CDCA2: variants seen among roughly 807,000 people sequenced by gnomAD.
CDCA2 encodes the protein cell division cycle-associated protein 2.
A neutral mutation model predicts 67.0 loss-of-function variants in CDCA2; 44 were observed. That is an observed-to-expected ratio of 0.66 (90% CI 0.52 to 0.84). The LOEUF is 0.84. CDCA2 is among the 40% of genes least tolerant of loss of function. The probability of loss-of-function intolerance (pLI) is 0.00; values close to 1 mark genes in which losing one functional copy is unlikely to be tolerated. For synonymous variants in CDCA2, 447 were observed against 418.7 expected (o/e 1.07, Z -0.82); for missense variants, 1,253 against 1,203.2 (o/e 1.04, Z -0.61).
At position 25,483,989 on chromosome 8, in the gene CDCA2, C is replaced by T. The variant is rs769164843; in HGVS notation, c.1144C>T (p.Pro382Ser). The change falls in exon 10 of 15, where the codon CCT becomes TCT. Residue 382 changes from proline (P) to serine (S), a missense_variant. By Grantham distance (74) the Pro-to-Ser change is moderately conservative. Coordinates refer to ENST00000330560, the MANE Select transcript of CDCA2 (RefSeq NM_152562.4). ...EAEDEENFEAPAFLNMRKRKR... is the reference protein window; with the variant it reads ...EAEDEENFEASAFLNMRKRKR... ...AGAAGATGAAGAAAATTTTGAAGCA[C>T]CTGCCTTTCTAAATATGAGGAAGAG... 2.1e-5 allele frequency: 34 copies of T among 1,613,742 alleles called. No homozygotes were observed. The highest frequency in any genetic ancestry group is 2.8e-5 in the Non-Finnish European group (33 of 1,179,844).
intron 14 of CDCA2, among the ~76,000 whole-genome samples, chr8:25,504,022 T>TA (rs577458745): frequency 3.5e-4 from 51 of 146,998 alleles, no homozygotes; most frequent in Middle Eastern, 6.9e-3. Context: ...CCCCATCTCT[T>TA]AAAAAAAAAA....
chr8:25,485,881 A>G (rs770872183), intron 11 of CDCA2, 44 bp downstream of exon 11: 1 of 1,081,576 alleles, frequency 9.2e-7, no homozygotes, highest in South Asian at 1.4e-5. Flanking sequence ...CATTTTTTAT[A>G]TGTGTATATG....
rs367833985 is a variant in CDCA2, at chr8:25,483,461, A to G, written c.1095A>G (p.Pro365=). The change falls in exon 9 of 15, where the codon CCA becomes CCG. Residue 365 remains proline, a synonymous_variant. Transcript: ENST00000330560. ...ATCCGAGCTTAATCTCAAATCTCCCAAACTGTTGCAAAGAGAAAGAAGCAG... is the reference window on the plus strand; with the variant it reads ...ATCCGAGCTTAATCTCAAATCTCCCGAACTGTTGCAAAGAGAAAGAAGCAG... ...GTHPSLISNL[P]NCCKEKEAED... 2.8e-5 allele frequency: 45 copies of G among 1,611,578 alleles called. No individual in the cohort carries two copies. Among genetic ancestry groups the G allele is most frequent in the Admixed American group, 5.0e-5 (3 of 59,546 alleles).
At chr8:25,486,120 A>G (rs2271104) in intron 11 of CDCA2, among the ~76,000 whole-genome samples, 84,870 of 152,114 alleles carry the variant, frequency 0.56, 24,935 homozygotes, top group Middle Eastern at 0.66. Context: ...TTAAGTATCA[A>G]TGACAAACTG....
chr8:25,461,732 A>C (rs1802696703), intron 3 of CDCA2, among the ~76,000 whole-genome samples: 1 of 152,262 alleles, frequency 6.6e-6, no homozygotes. Flanking sequence ...AAAAATACTG[A>C]GTCAAAAGCA....
chr8:25,491,672 A>G (rs749812880), intron 13 of CDCA2, among the ~76,000 whole-genome samples: 1 of 152,166 alleles, frequency 6.6e-6, no homozygotes, highest in African/African-American at 2.4e-5. Context: ...GCTGGAGTGT[A>G]GTGCTGTGGT....
chr8:25,479,860 CA>C, intron 7 of CDCA2, 52 bp from the exon 8 acceptor site: 1 of 1,556,338 alleles, frequency 6.4e-7, no homozygotes, highest in Non-Finnish European at 8.9e-7. Flanking sequence ...TGGTCTAGAA[CA>C]AACAGATTTA....
intron 3 of CDCA2, among the ~76,000 whole-genome samples, chr8:25,461,541 C>G (rs1451163995): frequency 2.0e-5 from 3 of 152,080 alleles, no homozygotes; most frequent in Non-Finnish European, 4.4e-5. Context: ...ACTCTTAGAC[C>G]TTTAAAAGGC....
chr8:25,491,902 A>G (rs1358379764), intron 13 of CDCA2, among the ~76,000 whole-genome samples: 11 of 152,022 alleles, frequency 7.2e-5, no homozygotes, highest in Non-Finnish European at 1.2e-4. Context: ...GGTTCAAGCA[A>G]TTCTCCTGCC....
At chr8:25,468,906 G>A (rs1181064246) in intron 6 of CDCA2, among the ~76,000 whole-genome samples, 2 of 152,090 alleles carry the variant, frequency 1.3e-5, no homozygotes, top group African/African-American at 4.8e-5. Flanking sequence ...TGGAAATCAG[G>A]GTGCCATTCA....
At chr8:25,499,517 T>C (rs1434646399) in intron 13 of CDCA2, among the ~76,000 whole-genome samples, 1 of 151,910 alleles carries the variant, frequency 6.6e-6, no homozygotes, top group East Asian at 1.9e-4. Flanking sequence ...TTGCCCAGGC[T>C]TGTCTCGAAT....
At chr8:25,488,754 G>T in intron 13 of CDCA2, 65 bp downstream of exon 13, 5 of 1,355,034 alleles carry the variant, frequency 3.7e-6, no homozygotes, top group Non-Finnish European at 2.9e-6. Flanking sequence ...GTATAATTAG[G>T]AAAATATAGA....
At position 25,507,483 on chromosome 8, in the gene CDCA2, A is replaced by G. The variant is rs961336018; in HGVS notation, c.2817A>G (p.Lys939=). The G allele has an allele frequency of 6.2e-7, 1 of 1,613,824 alleles. No homozygotes were observed. The highest frequency in any genetic ancestry group is 1.3e-5 in the African/African-American group (1 of 74,882). ...GATTTGAAAGTATGTCTCCCATAAA[A>G]GAAACTGTGTCCTCCAGACAAAAAC... ...SSGFESMSPI[K]ETVSSRQKPQ... is the part of the protein sequence containing the mutation. Residue 939 remains lysine (K), a synonymous_variant, in exon 15 of 15, where the codon AAA becomes AAG. Coordinates refer to ENST00000330560, the MANE Select transcript of CDCA2 (RefSeq NM_152562.4).
intron 8 of CDCA2, among the ~76,000 whole-genome samples, chr8:25,481,617 G>C (rs961149443): frequency 6.6e-6 from 1 of 152,078 alleles, no homozygotes; most frequent in Non-Finnish European, 1.5e-5. Flanking sequence ...GTGAACCCAG[G>C]GGGCAGAGCT....
At chr8:25,469,051 C>T (rs1317401193) in intron 6 of CDCA2, among the ~76,000 whole-genome samples, 1 of 152,354 alleles carries the variant, frequency 6.6e-6, no homozygotes, top group East Asian at 1.9e-4. Context: ...GACCTGCGCG[C>T]ACGCGTGAAT....
intron 11 of CDCA2, among the ~76,000 whole-genome samples, chr8:25,486,273 C>T (rs1435444415): frequency 6.6e-6 from 1 of 152,174 alleles, no homozygotes; most frequent in East Asian, 1.9e-4. Context: ...GACAAAGCAA[C>T]AGATTGCTCC....
intron 4 of CDCA2, among the ~76,000 whole-genome samples, chr8:25,465,697 T>C (rs917869321): frequency 3.3e-5 from 5 of 152,100 alleles, no homozygotes; most frequent in African/African-American, 1.2e-4. Context: ...AAGTGTAGTA[T>C]CTGAGCATGT....
intron 13 of CDCA2, among the ~76,000 whole-genome samples, chr8:25,502,237 G>A (rs1412383388): frequency 6.6e-6 from 1 of 152,052 alleles, no homozygotes; most frequent in African/African-American, 2.4e-5. Flanking sequence ...CTAAATTCTG[G>A]TTCTCTTCAA....
At chr8:25,460,760 T>C (rs1802651987) in intron 3 of CDCA2, among the ~76,000 whole-genome samples, 1 of 152,186 alleles carries the variant, frequency 6.6e-6, no homozygotes, top group South Asian at 2.1e-4. Flanking sequence ...GCACCCAGCA[T>C]GATAATGTTC....
Sources: allele counts gnomAD v4.1 joint callset (sites outside exome capture counted in the v4.1 genomes callset), GRCh38; gene constraint gnomAD v4.1.1; transcripts MANE v1.5; gene names NCBI Gene and HGNC (gene_info 2026-07-23, HGNC 2026-07-21).